Variants in F5 observed in about 807,000 individuals in gnomAD.
F5 encodes the protein coagulation factor V, also known as activated protein c cofactor.
F5 carries 138 observed loss-of-function variants against 216.4 expected under a neutral mutation model. The observed-to-expected ratio is 0.64, with a 90% confidence interval of 0.56 to 0.73. The LOEUF is 0.73. F5 is among the 30% of genes least tolerant of loss of function. The probability of loss-of-function intolerance (pLI) is 0.00; values close to 1 mark genes in which losing one functional copy is unlikely to be tolerated. For missense variants in F5, 2,403 were observed against 2,674.0 expected (o/e 0.90, Z 2.24); for synonymous variants, 916 against 930.7 (o/e 0.98, Z 0.29).
intron 21 of F5, among the ~76,000 whole-genome samples, chr1:169,522,616 C>T (rs1002882964): frequency 6.6e-5 from 10 of 151,988 alleles, no homozygotes; most frequent in African/African-American, 2.4e-4. Flanking sequence ...TAATGGCAGG[C>T]AGACTCCTTG....
At chr1:169,536,825 G>C (rs1432799407) in intron 13 of F5, 145 bp from the exon 14 acceptor site, 1 of 631,130 alleles carries the variant, frequency 1.6e-6, no homozygotes, top group African/African-American at 1.8e-5. Context: ...ATATATAAGT[G>C]GATAAAAACA....
chr1:169,536,465 G>A lies in F5; in HGVS notation c.4971+41C>T, dbSNP rs371798549. 4 of 1,582,640 alleles carry A rather than the reference G, an allele frequency of 2.5e-6. No individual in the cohort carries two copies. In the African/African-American group the frequency reaches 5.4e-5, roughly 21 times the overall value. On this transcript the variant is annotated intron_variant, in intron 14 of 24. Transcript: ENST00000367797. ...CCTTTACAACCCTCTGGTGCTTGTG[G>A]AAATTCCTCCGAAGATCTTAGCAGT... is the stretch of plus-strand genomic sequence containing the variant.
chr1:169,542,500 T>C lies in F5; in HGVS notation c.2590A>G (p.Lys864Glu), dbSNP rs1368023347. 6.2e-7 allele frequency: 1 copy of C among 1,614,104 alleles called. No homozygotes were observed. Among genetic ancestry groups the C allele is most frequent in the Non-Finnish European group, 8.5e-7 (1 of 1,179,974 alleles). The change falls in exon 13 of 25, where the codon AAG (lysine) becomes GAG (glutamate). Residue 864 changes from lysine (K) to glutamate (E), a missense_variant. Physicochemically the swap from Lys to Glu is moderately conservative, Grantham distance 56 (BLOSUM62 1). Transcript: ENST00000367797. ...AGEFKSQEHA[K>E]HKGPKVERDQ... is the part of the protein sequence containing the mutation. ...CTTTCTACCTTGGGTCCCTTATGCT[T>C]AGCATGTTCTTGACTTTTGAATTCT...
rs778943408 is a variant in F5 at position 169,559,250 on chromosome 1, G to A, written c.633C>T (p.Ile211=). The change falls in exon 5 of 25, where the codon ATC becomes ATT. Residue 211 remains isoleucine (I), a synonymous_variant. Coordinates refer to ENST00000367797, the MANE Select transcript of F5 (RefSeq NM_000130.5). ...GGTQKTFDKQ[I]VLLFAVFDES... is the part of the protein sequence containing the mutation. ...CATCAAACACAGCAAATAGTAGCAC[G>A]ATTTGCTTGTCAAACGTCTTCTGTG... The A allele has an allele frequency of 1.9e-6, 3 of 1,613,640 alleles. No homozygotes were observed. The highest frequency in any genetic ancestry group is 2.5e-6 in the Non-Finnish European group (3 of 1,179,668).
At chr1:169,559,365 CAA>C (rs781354799) in intron 4 of F5, 69 bp from the exon 5 acceptor site, 2 of 1,536,340 alleles carry the variant, frequency 1.3e-6, no homozygotes, top group Admixed American at 1.7e-5. Flanking sequence ...TCCTGGATAG[CAA>C]AGAGTTTAGG....
In F5 at chr1:169,564,379, C is replaced by T. The variant is rs765161091; in HGVS notation, c.374-3613G>A. Among the ~76,000 whole-genome samples, 11 of 152,106 alleles carry T rather than the reference C, an allele frequency of 7.2e-5. No individual in the cohort carries two copies. In the South Asian group the frequency reaches 1.5e-3, roughly 20 times the overall value. ...CAAATTCTAGCCATTTGAGCTTCTC[C>T]GAAGTCCAAACTCTATTTCCTCAAC... is the stretch of plus-strand genomic sequence containing the variant. On this transcript the variant is annotated intron_variant, in intron 3 of 24. Transcript: ENST00000367797.
At chr1:169,576,561 A>G (rs1033716194) in intron 2 of F5, among the ~76,000 whole-genome samples, 1 of 152,182 alleles carries the variant, frequency 6.6e-6, no homozygotes, top group African/African-American at 2.4e-5. Context: ...CTCCTGAGCC[A>G]AAGCTCTCCC....
intron 5 of F5, 142 bp downstream of exon 5, chr1:169,559,011 A>AAAAG: frequency 1.1e-6 from 1 of 926,496 alleles, no homozygotes; most frequent in Non-Finnish European, 1.7e-6. Flanking sequence ...TGTTTAAAAA[A>AAAAG]AAAAAGAGAA....
chr1:169,544,491 G>A lies in F5; in HGVS notation c.1780C>T (p.Pro594Ser). The A allele has an allele frequency of 1.2e-6, 2 of 1,613,844 alleles. No homozygotes were observed. Among genetic ancestry groups the A allele is most frequent in the Non-Finnish European group, 1.7e-6 (2 of 1,179,886 alleles). ...AATCCAAGAGTAGTTATGCTCTCAG[G>A]CACATAGCCATTGATAGCTGAAAGT... is the stretch of plus-strand genomic sequence containing the variant. ...NIMSTINGYV[P>S]ESITTLGFCF... The change falls in exon 12 of 25, where the codon CCT becomes TCT. Residue 594 changes from proline (P) to serine (S), a missense_variant. Physicochemically the swap from Pro to Ser is moderately conservative, Grantham distance 74. Around this residue, in one of 4 missense-constraint regions of F5, gnomAD observed 1,425 missense variants for 1,554.8 expected, o/e 0.92. Coordinates refer to ENST00000367797, the MANE Select transcript of F5 (RefSeq NM_000130.5).
chr1:169,558,638 G>A (rs1486560426), intron 5 of F5, among the ~76,000 whole-genome samples: 1 of 152,092 alleles, frequency 6.6e-6, no homozygotes, highest in African/African-American at 2.4e-5. Context: ...TTCTCTTAAC[G>A]ATTGCTATGA....
At chr1:169,533,219 T>G (rs1177517674) in intron 14 of F5, among the ~76,000 whole-genome samples, 1 of 152,136 alleles carries the variant, frequency 6.6e-6, no homozygotes, top group Non-Finnish European at 1.5e-5. Flanking sequence ...TGAACCCCAA[T>G]GAATCCAATG....
At chr1:169,564,837 G>A (rs868136018) in intron 3 of F5, among the ~76,000 whole-genome samples, 11 of 152,146 alleles carry the variant, frequency 7.2e-5, no homozygotes, top group Middle Eastern at 3.4e-3. Context: ...TAGCAATGAA[G>A]GATTCAGGTA....
At chr1:169,555,820 A>G (rs1039315949) in intron 6 of F5, among the ~76,000 whole-genome samples, 2 of 152,122 alleles carry the variant, frequency 1.3e-5, no homozygotes, top group South Asian at 4.1e-4. Context: ...ATTATTGGGA[A>G]CTCTATCTTC....
At chr1:169,580,365 A>G (rs188561577) in intron 2 of F5, among the ~76,000 whole-genome samples, 5 of 149,744 alleles carry the variant, frequency 3.3e-5, no homozygotes, top group Non-Finnish European at 5.9e-5. Context: ...TTCTCAATAT[A>G]CTTTTTTGTT....
chr1:169,527,543 G>T (rs1326392963), intron 17 of F5, among the ~76,000 whole-genome samples: 1 of 152,136 alleles, frequency 6.6e-6, no homozygotes, highest in Non-Finnish European at 1.5e-5. Flanking sequence ...AAGAGGAGCA[G>T]AACTGAAGAA....
At chr1:169,556,284 T>A (rs112528112) in intron 6 of F5, among the ~76,000 whole-genome samples, 218 of 141,796 alleles carry the variant, frequency 1.5e-3, no homozygotes, top group African/African-American at 5.7e-3. Context: ...TTCTGTAAAT[T>A]TGCAGTTTGT....
intron 6 of F5, 94 bp downstream of exon 6, chr1:169,556,552 G>C (rs1261185809): frequency 2.7e-5 from 32 of 1,190,476 alleles, no homozygotes; most frequent in Non-Finnish European, 3.9e-5. Flanking sequence ...CTGCGGTGCA[G>C]GTGGCTTGAA....
At position 169,560,653 on chromosome 1, in the gene F5, C is replaced by A; in HGVS notation, c.487G>T (p.Asp163Tyr). ...ATGTGTGTGAGGCATGGAGGGTCAT[C>A]ATGGGTGGGTCCACTGTCCTCACTG... The part of the protein sequence containing the change: ...SISEDSGPTH[D>Y]DPPCLTHIYY... Residue 163 changes from aspartate to tyrosine, a missense_variant, in exon 4 of 25, where the codon GAT becomes TAT. By Grantham distance (160) the Asp-to-Tyr change is radical. This residue lies in a region of F5 where 1,425 missense variants were observed against 1,554.8 expected (regional missense o/e 0.92). Coordinates refer to ENST00000367797, the MANE Select transcript of F5 (RefSeq NM_000130.5). The A allele has an allele frequency of 6.2e-7, 1 of 1,613,786 alleles. No homozygotes were observed. Among genetic ancestry groups the A allele is most frequent in the South Asian group, 1.1e-5 (1 of 91,078 alleles).
In F5 at chr1:169,571,409, A is replaced by G. The variant is rs768648603; in HGVS notation, c.373+812T>C. ...GGTTATAATCATTTCCATTTTATAG[A>G]TGAGAAAACTGAGGCTCAGAGATGC... is the stretch of plus-strand genomic sequence containing the variant. On this transcript the variant is annotated intron_variant, in intron 3 of 24. Transcript: ENST00000367797. Among the ~76,000 whole-genome samples the G allele has an allele frequency of 5.3e-5, 8 of 152,278 alleles. No homozygotes were observed. The Middle Eastern group carries it at 0.024, about 453-fold the overall frequency.
Sources: allele counts gnomAD v4.1 joint callset (sites outside exome capture counted in the v4.1 genomes callset), GRCh38; gene constraint gnomAD v4.1.1; regional missense constraint gnomAD v4.1.1; transcripts MANE v1.5; gene names NCBI Gene and HGNC (gene_info 2026-07-23, HGNC 2026-07-21).